Variants in VEGFB observed in about 807,000 individuals in gnomAD.
The protein encoded by VEGFB is vascular endothelial growth factor B.
In VEGFB, 24 loss-of-function variants were observed where a neutral mutation model predicts 22.5. The observed-to-expected ratio is 1.07, with a 90% CI of 0.77 to 1.50. The LOEUF is 1.50. VEGFB is among the 40% of genes most tolerant of loss of function. The pLI is 0.00. For missense variants in VEGFB, 327 were observed against 287.8 expected, an observed-to-expected ratio of 1.14 and a Z score of -0.99; for synonymous variants, 141 against 117.4, an observed-to-expected ratio of 1.20 and a Z score of -1.30.
rs751451864 is a variant in VEGFB at position 64,236,022 on chromosome 11, T to C, written c.300+13T>C. 2 of 1,571,080 alleles carry C rather than the reference T, an allele frequency of 1.3e-6. No homozygotes were observed. Among genetic ancestry groups the C allele is most frequent in the Non-Finnish European group, 8.6e-7 (1 of 1,158,794 alleles). On this transcript the variant is annotated intron_variant, in intron 3 of 6. Coordinates refer to ENST00000309422, the MANE Select transcript of VEGFB (RefSeq NM_003377.5). The stretch of plus-strand genomic sequence containing the variant: ...AGTCCGGATGCAGGTACTGGGCAGG[T>C]GGGGCAACGGGCAGGGGATGCAGGT...
At position 64,237,229 on chromosome 11, in the gene VEGFB, C is replaced by A; in HGVS notation, c.410+7C>A. Reference sequence around the variant, plus strand: ...GTGCTGTGAAGCCAGACAGGTGAGTCTTTTGGACTCCAGCTGAGTAGGGGT... The same window carrying A: ...GTGCTGTGAAGCCAGACAGGTGAGTATTTTGGACTCCAGCTGAGTAGGGGT... On this transcript the variant is annotated splice_region_variant and intron_variant, in intron 5 of 6. Coordinates refer to ENST00000309422, the MANE Select transcript of VEGFB (RefSeq NM_003377.5). 6.2e-7 allele frequency: 1 copy of A among 1,608,502 alleles called. No homozygotes were observed. The highest frequency in any genetic ancestry group is 1.3e-5 in the African/African-American group (1 of 74,864).
chr11:64,236,267 G>T lies in VEGFB; in HGVS notation c.314G>T (p.Arg105Leu). 2.5e-6 allele frequency: 4 copies of T among 1,613,932 alleles called. No individual in the cohort carries two copies. Among genetic ancestry groups the T allele is most frequent in the Non-Finnish European group, 3.4e-6 (4 of 1,179,994 alleles). Reference protein sequence around the residue: ...HQVRMQILMIRYPSSQLGEMS... With the variant: ...HQVRMQILMILYPSSQLGEMS... ...TCCTGAGCACAGATCCTCATGATCC[G>T]GTACCCGAGCAGTCAGCTGGGGGAG... is the stretch of plus-strand genomic sequence containing the variant. Residue 105 changes from arginine (R) to leucine (L), a missense_variant, in exon 4 of 7, where the codon CGG becomes CTG. Transcript: ENST00000309422.
Position 64,237,435 on chromosome 11 carries a change from C to T in VEGFB, c.426C>T (p.His142=). 6.3e-7 allele frequency: 1 copy of T among 1,596,226 alleles called. No individual in the cohort carries two copies. The highest frequency in any genetic ancestry group is 2.3e-5 in the East Asian group (1 of 44,392). The change falls in exon 6 of 7, where the codon CAC becomes CAT. Residue 142 remains histidine (H), a synonymous_variant. Transcript: ENST00000309422. ...AVKPDRAATP[H]HRPQPRSVPG... Reference sequence around the variant, plus strand: ...TCCTCCCTAGGGCTGCCACTCCCCACCACCGTCCCCAGCCCCGTTCTGTTC... The same window carrying T: ...TCCTCCCTAGGGCTGCCACTCCCCATCACCGTCCCCAGCCCCGTTCTGTTC...
chr11:64,235,799 C>T lies in VEGFB; in HGVS notation c.104-14C>T, dbSNP rs371916695. The T allele has an allele frequency of 7.3e-5, 117 of 1,613,374 alleles. 1 individual carries two copies. The highest frequency in any genetic ancestry group is 1.3e-4 in the Admixed American group (8 of 59,978). ...AAACCAGTGAGGACTTAACCCCTACCGGTCTGCTCCCAGTGGTGTCATGGA... is the reference window on the plus strand; with the variant it reads ...AAACCAGTGAGGACTTAACCCCTACTGGTCTGCTCCCAGTGGTGTCATGGA... On this transcript the variant is annotated splice_polypyrimidine_tract_variant and intron_variant, in intron 2 of 6. Transcript: ENST00000309422.
Position 64,236,916 on chromosome 11 carries a change from T to TA in VEGFB, c.375-262dup, listed in dbSNP as rs540558462. Among the ~76,000 whole-genome samples, 143 of 140,124 alleles carry TA rather than the reference T, an allele frequency of 1.0e-3. 2 individuals are homozygous for TA. Among genetic ancestry groups the TA allele is most frequent in the East Asian group, 7.3e-3 (34 of 4,640 alleles). The allele number at this position is 140,124 out of a possible 152,430, so 91.9% of individuals were successfully genotyped here. ...CAACATGGTGAAACCCCATCTCTAC[T>TA]AAAAAAAAATACAAAAATTAGCCGC... On this transcript the variant is annotated intron_variant, in intron 4 of 6. Coordinates refer to ENST00000309422, the MANE Select transcript of VEGFB (RefSeq NM_003377.5).
At chr11:64,236,991 G>A in intron 4 of VEGFB, 196 bp from the exon 5 acceptor site, 1 of 423,606 alleles carries the variant, frequency 2.4e-6, no homozygotes, top group East Asian at 4.4e-5. Flanking sequence ...GCTGAGACAA[G>A]AGAATAGCTT....
At position 64,237,081 on chromosome 11, in the gene VEGFB, CTCA is replaced by C. The variant is rs1291271827; in HGVS notation, c.375-105_375-103del. On this transcript the variant is annotated intron_variant, in intron 4 of 6. Coordinates refer to ENST00000309422, the MANE Select transcript of VEGFB (RefSeq NM_003377.5). ...CTGGGCAAGAAGAGGGAAACACAGT[CTCA>C]AAGAGAGAGAGAGAGAGAGAGAGAG... 3.9e-4 allele frequency: 276 copies of C among 711,722 alleles called. 37 individuals are homozygous for C. The highest frequency in any genetic ancestry group is 1.7e-3 in the African/African-American group (61 of 35,614). The allele number at this position is 711,722 out of a possible 1,614,324, so 44.1% of individuals were successfully genotyped here.
At chr11:64,236,071 A>G in intron 3 of VEGFB, 62 bp downstream of exon 3, 1 of 1,537,484 alleles carries the variant, frequency 6.5e-7, no homozygotes, top group Non-Finnish European at 8.8e-7. Context: ...GGCAGCGGGC[A>G]GGGTGGATGC....
intron 6 of VEGFB, 115 bp from the exon 7 acceptor site, chr11:64,238,241 C>T (rs557233282): frequency 1.2e-4 from 155 of 1,343,216 alleles, no homozygotes; most frequent in African/African-American, 2.6e-4. Flanking sequence ...TGCCCAGGGC[C>T]GAGTGGTGTG....
rs771421985 is a variant in VEGFB, at chr11:64,236,267, G to A, written c.314G>A (p.Arg105Gln). Residue 105 changes from arginine to glutamine, a missense_variant, in exon 4 of 7, where the codon CGG (arginine) becomes CAG (glutamine). Physicochemically the swap from Arg to Gln is conservative, Grantham distance 43 (BLOSUM62 1). Transcript: ENST00000309422. The part of the protein sequence containing the change: ...HQVRMQILMI[R>Q]YPSSQLGEMS... ...TCCTGAGCACAGATCCTCATGATCCGGTACCCGAGCAGTCAGCTGGGGGAG... is the reference window on the plus strand; with the variant it reads ...TCCTGAGCACAGATCCTCATGATCCAGTACCCGAGCAGTCAGCTGGGGGAG... 7 of 1,613,932 alleles carry A rather than the reference G, an allele frequency of 4.3e-6. No homozygotes were observed. Among genetic ancestry groups the A allele is most frequent in the Middle Eastern group, 1.7e-4 (1 of 6,058 alleles).
intron 5 of VEGFB, 64 bp from the exon 6 acceptor site, chr11:64,237,356 C>T: frequency 6.5e-7 from 1 of 1,531,676 alleles, no homozygotes; most frequent in Non-Finnish European, 9.0e-7. Flanking sequence ...TGTTCTCTGC[C>T]CCGACCCCAG....
chr11:64,236,716 CA>C (rs773789771), intron 4 of VEGFB, among the ~76,000 whole-genome samples: 3 of 74,474 alleles, frequency 4.0e-5, no homozygotes, highest in East Asian at 3.6e-4. Context: ...GACTCTGCCA[CA>C]AAAAAAAAAA....
Position 64,237,051 on chromosome 11 carries a change from C to G in VEGFB, c.375-136C>G, listed in dbSNP as rs373755427. 31 of 735,506 alleles carry G rather than the reference C, an allele frequency of 4.2e-5. 5 individuals are homozygous for G. In the East Asian group the frequency reaches 7.1e-4, roughly 17 times the overall value. The allele number at this position is 735,506 out of a possible 1,614,324, so 45.6% of individuals were successfully genotyped here. A position where few individuals can be genotyped will look rare whatever the true frequency, so the allele number is the denominator to read the frequency against. ...TGAGCCGAGACCACGCCACTGCACTCCAGCCTGGGCAAGAAGAGGGAAACA... is the reference window on the plus strand; with the variant it reads ...TGAGCCGAGACCACGCCACTGCACTGCAGCCTGGGCAAGAAGAGGGAAACA... On this transcript the variant is annotated intron_variant, in intron 4 of 6. Coordinates refer to ENST00000309422, the MANE Select transcript of VEGFB (RefSeq NM_003377.5).
In VEGFB at chr11:64,235,504, ATACT is replaced by A. The variant is rs1429096509; in HGVS notation, c.103+8_103+11del. ...GCCCCTGGCCACCAGAGGAAAGGTA[ATACT>A]TACAAAAACTCGGCACTAGCCAGCA... On this transcript the variant is annotated splice_donor_5th_base_variant and intron_variant, in intron 2 of 6. Transcript: ENST00000309422. 7 of 1,613,766 alleles carry A rather than the reference ATACT, an allele frequency of 4.3e-6. No individual in the cohort carries two copies. The highest frequency in any genetic ancestry group is 4.5e-5 in the East Asian group (2 of 44,892).
Position 64,237,401 on chromosome 11 carries a change from T to C in VEGFB, c.411-19T>C, listed in dbSNP as rs754539238. On this transcript the variant is annotated intron_variant, in intron 5 of 6. Transcript: ENST00000309422. ...AGACTCTTCCTTCCCACCCCAGACA[T>C]GTCGCTTCTCCTCCCTAGGGCTGCC... 3.8e-6 allele frequency: 6 copies of C among 1,570,136 alleles called. No individual in the cohort carries two copies. The Admixed American group carries it at 1.0e-4, about 27-fold the overall frequency.
In VEGFB at chr11:64,236,716, C is replaced by CAAAAAA. The variant is rs773789771; in HGVS notation, c.374+412_374+417dup. Reference sequence around the variant, plus strand: ...TGGGCGACAGAGCAAGACTCTGCCACAAAAAAAAAAAAAAAAAAAAAAAAA... The same window carrying CAAAAAA: ...TGGGCGACAGAGCAAGACTCTGCCACAAAAAAAAAAAAAAAAAAAAAAAAAAAAAAA... On this transcript the variant is annotated intron_variant, in intron 4 of 6. Coordinates refer to ENST00000309422, the MANE Select transcript of VEGFB (RefSeq NM_003377.5). Among the ~76,000 whole-genome samples, 24 of 74,474 alleles carry CAAAAAA rather than the reference C, an allele frequency of 3.2e-4. 1 individual carries two copies. The highest frequency in any genetic ancestry group is 9.8e-4 in the African/African-American group (19 of 19,312). 48.9% of individuals were successfully genotyped at this position (74,474 alleles called of 152,430 possible).
chr11:64,236,108 T>A, intron 3 of VEGFB, 99 bp downstream of exon 3: 1 of 1,515,826 alleles, frequency 6.6e-7, no homozygotes, highest in Non-Finnish European at 8.9e-7. Flanking sequence ...TGGGGCAGCC[T>A]GGAGACTGAT....
intron 4 of VEGFB, among the ~76,000 whole-genome samples, chr11:64,236,681 C>A (rs1260287744): frequency 1.6e-5 from 2 of 127,744 alleles, no homozygotes; most frequent in African/African-American, 6.0e-5. Flanking sequence ...CGTGCCACTG[C>A]ATTCCAGCCT....
At position 64,238,629 on chromosome 11, in the gene VEGFB, A is replaced by T; in HGVS notation, c.*296A>T. ...GGGGTCACATACCAGCTCAGGGGAG[A>T]ATGGAGTACTGTCTCAGTTTCTAAC... is the stretch of plus-strand genomic sequence containing the variant. On this transcript the variant is annotated 3_prime_UTR_variant, in exon 7 of 7. Transcript: ENST00000309422. 1 of 579,950 alleles carries T rather than the reference A, an allele frequency of 1.7e-6. No homozygotes were observed. The highest frequency in any genetic ancestry group is 2.0e-5 in the South Asian group (1 of 49,122). The allele number at this position is 579,950 out of a possible 1,614,324, so 35.9% of individuals were successfully genotyped here.
Sources: gnomAD v4.1 joint callset for allele counts (sites outside exome capture counted in the v4.1 genomes callset) on GRCh38, gnomAD v4.1.1 for gene constraint, MANE v1.5 for transcripts, NCBI Gene and HGNC (gene_info 2026-07-23, HGNC 2026-07-21) for gene names.